The following NAV3 variants were observed in gnomAD, a reference collection of about 807,000 sequenced individuals.
NAV3 encodes neuron navigator 3, also known as pore membrane and/or filament interacting like protein 1.
In NAV3, 87 loss-of-function variants were observed where a neutral mutation model predicts 244.7. The ratio of observed to expected loss-of-function variants is 0.36; its 90% CI spans 0.30 to 0.42. NAV3 has a LOEUF of 0.42. Among genes scored for constraint, NAV3 ranks in the 20% least tolerant of loss-of-function variants. NAV3 has a pLI of 1.00. For missense variants in NAV3, 2,663 were observed against 2,893.3 expected (o/e 0.92, Z 1.83); for synonymous variants, 1,126 against 1,042.2 (o/e 1.08, Z -1.55).
intron 2 of NAV3, among the ~76,000 whole-genome samples, chr12:77,592,724 C>T (rs1372240489): frequency 6.6e-6 from 1 of 152,188 alleles, no homozygotes; most frequent in African/African-American, 2.4e-5. Context: ...TCCTAAATTC[C>T]TCCAAATGTT....
chr12:77,881,770 A>G (rs1882677605), intron 1 of NAV3, among the ~76,000 whole-genome samples: 1 of 152,174 alleles, frequency 6.6e-6, no homozygotes, highest in African/African-American at 2.4e-5. Flanking sequence ...TAGCATTTCT[A>G]TACACCAATA....
intron 12 of NAV3, among the ~76,000 whole-genome samples, chr12:78,115,394 C>T (rs531027983): frequency 2.8e-4 from 42 of 152,170 alleles, no homozygotes; most frequent in Non-Finnish European, 5.1e-4. Flanking sequence ...TGAGAACCAG[C>T]TGGTAAATGA....
At chr12:77,836,474 C>G (rs545591426) in intron 1 of NAV3, among the ~76,000 whole-genome samples, 1 of 152,098 alleles carries the variant, frequency 6.6e-6, no homozygotes, top group African/African-American at 2.4e-5. Context: ...TGTGGACAAG[C>G]CTTGTATTTT....
At chr12:78,100,710 T>C (rs1954494683) in intron 12 of NAV3, among the ~76,000 whole-genome samples, 1 of 152,116 alleles carries the variant, frequency 6.6e-6, no homozygotes, top group African/African-American at 2.4e-5. Flanking sequence ...CTATATAAAA[T>C]CCTTTAAGGG....
intron 2 of NAV3, among the ~76,000 whole-genome samples, chr12:77,690,544 T>C (rs1565773609): frequency 6.6e-6 from 1 of 151,374 alleles, no homozygotes; most frequent in South Asian, 2.1e-4. Flanking sequence ...GGCATATTTA[T>C]CCCATCTCTA....
chr12:78,097,462 T>A (rs1215952693), intron 12 of NAV3, among the ~76,000 whole-genome samples: 1 of 152,168 alleles, frequency 6.6e-6, no homozygotes, highest in African/African-American at 2.4e-5. Context: ...TTGGCAAACA[T>A]CTCTCTAATT....
chr12:77,978,365 G>A lies in NAV3; in HGVS notation c.671+9663G>A, dbSNP rs139233435. On this transcript the variant is annotated intron_variant, in intron 5 of 39. Coordinates refer to ENST00000397909, the MANE Select transcript of NAV3 (RefSeq NM_001024383.2). ...AAATTTTATAACAGGACATTTTGACGGCCTAGTTAGATATTTTCTATCAAA... is the reference window on the plus strand; with the variant it reads ...AAATTTTATAACAGGACATTTTGACAGCCTAGTTAGATATTTTCTATCAAA... 5.0e-3 allele frequency among the ~76,000 whole-genome samples: 767 copies of A among 151,952 alleles called. 12 individuals are homozygous for A. The highest frequency in any genetic ancestry group is 7.4e-3 in the Non-Finnish European group (502 of 67,958).
At chr12:77,693,850 G>T (rs572545172) in intron 2 of NAV3, among the ~76,000 whole-genome samples, 1 of 151,706 alleles carries the variant, frequency 6.6e-6, no homozygotes, top group East Asian at 1.9e-4. Flanking sequence ...TTTTTTTTGT[G>T]TGCCATTTTT....
At chr12:77,715,284 A>T (rs1289201544) in intron 2 of NAV3, among the ~76,000 whole-genome samples, 1 of 151,976 alleles carries the variant, frequency 6.6e-6, no homozygotes, top group Non-Finnish European at 1.5e-5. Context: ...TATTGTTGGT[A>T]TACAATGGAA....
chr12:78,014,578 T>A (rs1168916831), intron 8 of NAV3, among the ~76,000 whole-genome samples: 2 of 152,116 alleles, frequency 1.3e-5, no homozygotes, highest in African/African-American at 4.8e-5. Flanking sequence ...TTATAAAATA[T>A]TTCTGTGGGA....
intron 18 of NAV3, among the ~76,000 whole-genome samples, chr12:78,134,263 G>A (rs2138963556): frequency 6.6e-6 from 1 of 152,172 alleles, no homozygotes; most frequent in East Asian, 1.9e-4. Flanking sequence ...CGGAAGCATA[G>A]AATCTCACAG....
intron 21 of NAV3, 86 bp from the exon 22 acceptor site, chr12:78,148,756 T>C (rs904930854): frequency 3.4e-6 from 4 of 1,189,912 alleles, no homozygotes; most frequent in East Asian, 2.5e-5. Context: ...ATGAGCTAAA[T>C]ACAGCATTTG....
intron 1 of NAV3, among the ~76,000 whole-genome samples, chr12:77,896,113 T>C (rs1884602448): frequency 6.6e-6 from 1 of 152,134 alleles, no homozygotes; most frequent in Non-Finnish European, 1.5e-5. Flanking sequence ...CTAATACCAC[T>C]AACCACAATC....
intron 3 of NAV3, among the ~76,000 whole-genome samples, chr12:77,944,621 A>C (rs1312046791): frequency 6.6e-6 from 1 of 152,142 alleles, no homozygotes; most frequent in Non-Finnish European, 1.5e-5. Flanking sequence ...ATTGGTTAGA[A>C]TATACTGAAA....
intron 18 of NAV3, among the ~76,000 whole-genome samples, chr12:78,136,661 A>C (rs1956385893): frequency 6.6e-6 from 1 of 152,170 alleles, no homozygotes; most frequent in Non-Finnish European, 1.5e-5. Context: ...CTTATAATCT[A>C]ACTTTGATAA....
intron 8 of NAV3, among the ~76,000 whole-genome samples, chr12:78,009,082 A>C (rs1263665369): frequency 6.6e-6 from 1 of 152,246 alleles, no homozygotes; most frequent in Non-Finnish European, 1.5e-5. Context: ...TATAAGTAGC[A>C]ACAAGCTTTT....
At chr12:77,893,763 G>A (rs572806795) in intron 1 of NAV3, among the ~76,000 whole-genome samples, 1 of 152,258 alleles carries the variant, frequency 6.6e-6, no homozygotes, top group South Asian at 2.1e-4. Flanking sequence ...CTTCCATGTA[G>A]AATTTTTCCA....
intron 2 of NAV3, among the ~76,000 whole-genome samples, chr12:77,810,205 T>C (rs1373248331): frequency 2.6e-5 from 4 of 152,228 alleles, no homozygotes; most frequent in Non-Finnish European, 5.9e-5. Context: ...GGAGTCTCGC[T>C]CTGTCCCCCA....
At chr12:77,942,615 G>A (rs1889982319) in intron 3 of NAV3, among the ~76,000 whole-genome samples, 1 of 152,024 alleles carries the variant, frequency 6.6e-6, no homozygotes, top group Non-Finnish European at 1.5e-5. Flanking sequence ...CTGTGAACAA[G>A]CCAAATCAGA....
Sources: allele counts gnomAD v4.1 joint callset (sites outside exome capture counted in the v4.1 genomes callset), GRCh38; gene constraint gnomAD v4.1.1; transcripts MANE v1.5; gene names NCBI Gene and HGNC (gene_info 2026-07-23, HGNC 2026-07-21).